Variants in IL1RAPL1 observed in about 807,000 individuals in gnomAD.
IL1RAPL1 encodes interleukin 1 receptor accessory protein like 1, also known as interleukin-1 receptor accessory protein-like 1.
In IL1RAPL1, 3 loss-of-function variants were observed where a neutral mutation model predicts 48.4. The observed-to-expected ratio is 0.06, with a 90% CI of 0.03 to 0.16. The LOEUF (loss-of-function observed/expected upper bound fraction) is 0.16. Among genes scored for constraint, IL1RAPL1 ranks in the 10% least tolerant of loss-of-function variants. The pLI, the probability that IL1RAPL1 is intolerant of heterozygous loss-of-function variation, is 1.00. For missense variants in IL1RAPL1, 349 were observed against 530.6 expected, an observed-to-expected ratio of 0.66 and a Z score of 3.36; for synonymous variants, 185 against 187.7, an observed-to-expected ratio of 0.99 and a Z score of 0.12.
intron 6 of IL1RAPL1, among the ~76,000 whole-genome samples, chrX:29,784,567 CTA>C (rs1929447727): frequency 9.0e-6 from 1 of 110,877 alleles, no homozygotes. Flanking sequence ...CTTTTGAAGA[CTA>C]TATGTGGATA....
chrX:29,044,512 T>A (rs1364719936), intron 2 of IL1RAPL1, among the ~76,000 whole-genome samples: 1 of 111,286 alleles, frequency 9.0e-6, no homozygotes, highest in Non-Finnish European at 1.9e-5. Context: ...AACATAAAGA[T>A]CTCATTGCTC....
intron 2 of IL1RAPL1, among the ~76,000 whole-genome samples, chrX:29,168,905 GTATATATATTCATATGTACAATTGTA>G (rs1569251031): frequency 2.1e-4 from 17 of 82,560 alleles, no homozygotes; most frequent in African/African-American, 7.4e-4. Context: ...ATGTACAATT[GTATATATATTCATATGTACAATTGTA>G]TATATATATT....
chrX:29,814,190 T>C (rs1375592969), intron 6 of IL1RAPL1, among the ~76,000 whole-genome samples: 1 of 112,169 alleles, frequency 8.9e-6, no homozygotes. Context: ...TTACCTGACC[T>C]AATTTACTTT....
chrX:29,255,457 T>A (rs1931741511), intron 2 of IL1RAPL1, among the ~76,000 whole-genome samples: 1 of 110,026 alleles, frequency 9.1e-6, no homozygotes, highest in South Asian at 3.8e-4. Flanking sequence ...TCTAATCTCC[T>A]TAATTTTTTA....
intron 5 of IL1RAPL1, among the ~76,000 whole-genome samples, chrX:29,405,879 C>T (rs1286903815): frequency 3.7e-5 from 4 of 109,330 alleles, no homozygotes; most frequent in Non-Finnish European, 5.7e-5. Context: ...TTTGATATTC[C>T]GATTATACAT....
At chrX:28,963,089 A>G (rs1397613250) in intron 2 of IL1RAPL1, among the ~76,000 whole-genome samples, 6 of 111,734 alleles carry the variant, frequency 5.4e-5, no homozygotes, top group Non-Finnish European at 1.1e-4. Context: ...TGGAAGATAT[A>G]TTCCACTTCT....
chrX:29,752,070 A>ATGTG lies in IL1RAPL1; in HGVS notation c.778+83570_778+83573dup, dbSNP rs200277693. On this transcript the variant is annotated intron_variant, in intron 6 of 10. Transcript: ENST00000378993. ...ATTTTATATATATATATGTATATAT[A>ATGTG]TGTGTGTATGTATATATATATATAT... Among the ~76,000 whole-genome samples, 560 of 89,098 alleles carry ATGTG rather than the reference A, an allele frequency of 6.3e-3. 4 individuals are homozygous for ATGTG. Among genetic ancestry groups the ATGTG allele is most frequent in the African/African-American group, 0.027 (524 of 19,771 alleles). 77.4% of individuals were successfully genotyped at this position (89,098 alleles called of 115,157 possible).
At chrX:29,445,883 T>C (rs1488636822) in intron 5 of IL1RAPL1, among the ~76,000 whole-genome samples, 2 of 112,240 alleles carry the variant, frequency 1.8e-5, no homozygotes, top group African/African-American at 3.2e-5. Context: ...AAGGGGAAGA[T>C]GACCTTTACC....
chrX:29,455,799 T>G (rs1934732333), intron 5 of IL1RAPL1, among the ~76,000 whole-genome samples: 1 of 111,979 alleles, frequency 8.9e-6, no homozygotes, highest in Admixed American at 9.5e-5. Flanking sequence ...GTTTTTCATT[T>G]AATTTTCCAT....
At chrX:28,836,669 C>T (rs1031253161) in intron 2 of IL1RAPL1, among the ~76,000 whole-genome samples, 18 of 109,747 alleles carry the variant, frequency 1.6e-4, no homozygotes, top group African/African-American at 5.0e-4. Context: ...CAAGGTCACA[C>T]GATCTACGAG....
intron 1 of IL1RAPL1, among the ~76,000 whole-genome samples, 159 bp downstream of exon 1, chrX:28,588,206 A>ATGTGTGTGTGTGTGTGTG (rs768348078): frequency 2.0e-5 from 1 of 49,926 alleles, no homozygotes; most frequent in Non-Finnish European, 3.7e-5. Flanking sequence ...GTGTGTTGAT[A>ATGTGTGTGTGTGTGTGTG]TGTGTGTGTG....
chrX:29,646,097 C>T (rs780047333), intron 5 of IL1RAPL1, among the ~76,000 whole-genome samples: 30 of 111,688 alleles, frequency 2.7e-4, no homozygotes, highest in Non-Finnish European at 4.5e-4. Flanking sequence ...CATTGACTGA[C>T]CTTAAAGAGA....
chrX:29,782,116 A>ATCTG (rs1409760018), intron 6 of IL1RAPL1, among the ~76,000 whole-genome samples: 116 of 107,703 alleles, frequency 1.1e-3, no homozygotes, highest in Admixed American at 1.9e-3. Flanking sequence ...CTATCTATCT[A>ATCTG]TCTATCTATC....
chrX:29,761,964 C>A (rs182565126), intron 6 of IL1RAPL1, among the ~76,000 whole-genome samples: 6 of 111,932 alleles, frequency 5.4e-5, no homozygotes, highest in South Asian at 3.7e-4. Flanking sequence ...GAGTAGCATT[C>A]CCCTGTCTGT....
intron 3 of IL1RAPL1, among the ~76,000 whole-genome samples, chrX:29,302,527 T>G (rs1932551976): frequency 9.0e-6 from 1 of 111,729 alleles, no homozygotes; most frequent in African/African-American, 3.3e-5. Context: ...CTACAGTCAT[T>G]ATATATTCTT....
At chrX:29,093,146 T>G (rs113434179) in intron 2 of IL1RAPL1, among the ~76,000 whole-genome samples, 18 of 111,991 alleles carry the variant, frequency 1.6e-4, no homozygotes, top group African/African-American at 5.8e-4. Flanking sequence ...TTTTCTCATA[T>G]TGCTATAAAG....
chrX:29,167,924 T>C (rs1293902038), intron 2 of IL1RAPL1, among the ~76,000 whole-genome samples: 1 of 111,117 alleles, frequency 9.0e-6, no homozygotes, highest in Non-Finnish European at 1.9e-5. Context: ...CAGGAAGGAT[T>C]GTCAAATGGA....
At chrX:29,208,937 C>G (rs1462199216) in intron 2 of IL1RAPL1, among the ~76,000 whole-genome samples, 1 of 109,714 alleles carries the variant, frequency 9.1e-6, no homozygotes, top group Non-Finnish European at 1.9e-5. Context: ...CATCATTTTT[C>G]CCATTTGACA....
At chrX:29,502,450 G>A (rs1363724509) in intron 5 of IL1RAPL1, among the ~76,000 whole-genome samples, 1 of 111,251 alleles carries the variant, frequency 9.0e-6, no homozygotes, top group Non-Finnish European at 1.9e-5. Context: ...TTAGCTGTGG[G>A]TTTAGCATAT....
Sources: allele counts gnomAD v4.1 joint callset (sites outside exome capture counted in the v4.1 genomes callset), GRCh38; gene constraint gnomAD v4.1.1; transcripts MANE v1.5; gene names NCBI Gene and HGNC (gene_info 2026-07-23, HGNC 2026-07-21).